ATRN: variants seen among roughly 807,000 people sequenced by gnomAD.
The protein encoded by ATRN is attractin-2.
ATRN carries 54 observed loss-of-function variants against 178.7 expected under a neutral mutation model. The ratio of observed to expected loss-of-function variants is 0.30; its 90% confidence interval spans 0.24 to 0.38. The LOEUF is 0.38. Ranked by LOEUF, ATRN falls within the 10% of genes least tolerant of loss-of-function variation. The probability of loss-of-function intolerance (pLI) is 1.00; values close to 1 mark genes in which losing one functional copy is unlikely to be tolerated. For synonymous variants in ATRN, 636 were observed against 663.0 expected (o/e 0.96, Z 0.63); for missense variants, 1,443 against 1,815.1 (o/e 0.79, Z 3.73).
At chr20:3,517,062 A>C (rs1182198409) in intron 1 of ATRN, among the ~76,000 whole-genome samples, 2 of 152,212 alleles carry the variant, frequency 1.3e-5, no homozygotes, top group African/African-American at 4.8e-5. Flanking sequence ...GAATCGCCAC[A>C]CTGTCTTCCA....
chr20:3,644,110 A>T, intron 27 of ATRN, 44 bp from the exon 28 acceptor site: 1 of 1,425,942 alleles, frequency 7.0e-7, no homozygotes, highest in Non-Finnish European at 9.9e-7. Flanking sequence ...CGTATACATT[A>T]AAGCTTGAGT....
Position 3,584,719 on chromosome 20 carries a change from C to T in ATRN, c.3023C>T (p.Pro1008Leu), listed in dbSNP as rs1600131031. ...CCAGGCTGTGGCTGGTGTACTGATC[C>T]CAGCAATACTGGCAAAGGGAAATGC... ...EQPGCGWCTDPSNTGKGKCIE... is the reference protein window; with the variant it reads ...EQPGCGWCTDLSNTGKGKCIE... Residue 1008 changes from proline to leucine, a missense_variant, in exon 18 of 29, where the codon CCC (proline) becomes CTC (leucine). Physicochemically the swap from Pro to Leu is moderately conservative, Grantham distance 98. Around this residue, in one of 4 missense-constraint regions of ATRN, gnomAD observed 212 missense variants for 330.7 expected, o/e 0.64. Transcript: ENST00000262919. 6.2e-7 allele frequency: 1 copy of T among 1,613,926 alleles called. No individual in the cohort carries two copies. The highest frequency in any genetic ancestry group is 1.1e-5 in the South Asian group (1 of 91,074).
chr20:3,637,430 G>A (rs567956288), intron 26 of ATRN, among the ~76,000 whole-genome samples: 14 of 152,196 alleles, frequency 9.2e-5, no homozygotes, highest in Middle Eastern at 3.4e-3. Context: ...TATATTAGTC[G>A]AGTAAATGGA....
intron 1 of ATRN, among the ~76,000 whole-genome samples, chr20:3,531,179 G>T (rs1348332571): frequency 5.3e-5 from 8 of 152,100 alleles, no homozygotes; most frequent in Non-Finnish European, 8.8e-5. Flanking sequence ...GTAACCACTT[G>T]TTGGCCATTT....
intron 11 of ATRN, among the ~76,000 whole-genome samples, chr20:3,570,007 G>A (rs1478619382): frequency 6.6e-6 from 1 of 151,500 alleles, no homozygotes; most frequent in Non-Finnish European, 1.5e-5. Context: ...GGAATTTGAG[G>A]TTGCACTGAG....
At chr20:3,598,098 G>A in intron 22 of ATRN, 98 bp downstream of exon 22, 1 of 756,478 alleles carries the variant, frequency 1.3e-6, no homozygotes, top group Non-Finnish European at 2.3e-6. Context: ...GTGCTCTCCA[G>A]ACTGGAGTAC....
At chr20:3,587,725 A>G (rs1298222347) in intron 18 of ATRN, among the ~76,000 whole-genome samples, 1 of 152,160 alleles carries the variant, frequency 6.6e-6, no homozygotes, top group African/African-American at 2.4e-5. Flanking sequence ...TTGCATGTTC[A>G]TATTAATTTT....
In ATRN at chr20:3,560,401, A is replaced by G. The variant is rs371157740; in HGVS notation, c.1204-261A>G. ...TTTCTTTATCTAATTATCCATTGAT[A>G]GACACGTTGATTCCATGTTTTGGCT... On this transcript the variant is annotated intron_variant, in intron 7 of 28. Transcript: ENST00000262919. 3.9e-5 allele frequency among the ~76,000 whole-genome samples: 6 copies of G among 152,328 alleles called. No homozygotes were observed. The South Asian group carries it at 8.3e-4, about 21-fold the overall frequency.
chr20:3,484,357 G>A (rs535473922), intron 1 of ATRN, among the ~76,000 whole-genome samples: 2 of 150,994 alleles, frequency 1.3e-5, no homozygotes, highest in South Asian at 2.1e-4. Flanking sequence ...TTCCTTTCCT[G>A]TACTGACCTT....
At chr20:3,641,331 C>T (rs2087065848) in intron 27 of ATRN, among the ~76,000 whole-genome samples, 1 of 152,054 alleles carries the variant, frequency 6.6e-6, no homozygotes, top group South Asian at 2.1e-4. Context: ...TGGCTAACAC[C>T]TGTAATCCGA....
At chr20:3,514,882 G>A (rs796245687) in intron 1 of ATRN, among the ~76,000 whole-genome samples, 4 of 152,132 alleles carry the variant, frequency 2.6e-5, no homozygotes, top group Non-Finnish European at 4.4e-5. Context: ...GCTTGAGCCC[G>A]GTTGGTTGAG....
At chr20:3,529,728 T>C (rs745470295) in intron 1 of ATRN, among the ~76,000 whole-genome samples, 1 of 152,190 alleles carries the variant, frequency 6.6e-6, no homozygotes, top group Non-Finnish European at 1.5e-5. Flanking sequence ...GATTACACTT[T>C]GTGTATACAT....
At chr20:3,608,607 A>G (rs759917035) in intron 24 of ATRN, among the ~76,000 whole-genome samples, 4 of 152,166 alleles carry the variant, frequency 2.6e-5, no homozygotes, top group Non-Finnish European at 5.9e-5. Flanking sequence ...TGTGGGTACT[A>G]TAGCTTTGTA....
intron 6 of ATRN, among the ~76,000 whole-genome samples, chr20:3,552,256 T>TCA (rs1391575696): frequency 6.6e-6 from 1 of 152,218 alleles, no homozygotes; most frequent in Non-Finnish European, 1.5e-5. Flanking sequence ...TCATATAGTA[T>TCA]CTTGGCCTTT....
intron 27 of ATRN, among the ~76,000 whole-genome samples, chr20:3,640,012 A>G (rs73076605): frequency 6.6e-6 from 1 of 152,350 alleles, no homozygotes; most frequent in Non-Finnish European, 1.5e-5. Flanking sequence ...GCCGCCATAA[A>G]TAAGAGTAGC....
chr20:3,576,985 A>G lies in ATRN; in HGVS notation c.2341A>G (p.Ile781Val), dbSNP rs2086221343. Residue 781 changes from isoleucine to valine, a missense_variant, in exon 14 of 29, where the codon ATT becomes GTT. By Grantham distance (29) the Ile-to-Val change is conservative (BLOSUM62 3). Coordinates refer to ENST00000262919, the MANE Select transcript of ATRN (RefSeq NM_139321.3). ...GTGGGAGCCCCGGAATCAGGAGTGCATTGCCCTGCCCGGTAGGCCTTGCAG... is the reference window on the plus strand; with the variant it reads ...GTGGGAGCCCCGGAATCAGGAGTGCGTTGCCCTGCCCGGTAGGCCTTGCAG... ...CQWEPRNQEC[I>V]ALPENICGIG... 3.7e-6 allele frequency: 6 copies of G among 1,613,898 alleles called. No individual in the cohort carries two copies. Among genetic ancestry groups the G allele is most frequent in the Non-Finnish European group, 5.1e-6 (6 of 1,179,994 alleles).
chr20:3,494,764 G>A lies in ATRN; in HGVS notation c.410+23247G>A, dbSNP rs75832308. Among the ~76,000 whole-genome samples, 553 of 152,300 alleles carry A rather than the reference G, an allele frequency of 3.6e-3. 20 individuals carry two copies. The East Asian group carries it at 0.094, about 26-fold the overall frequency. Reference sequence around the variant, plus strand: ...GCTGGAAATACAGCTTGGGCAGTTAGCAACATAGAGATGGTAGATGAAGCC... The same window carrying A: ...GCTGGAAATACAGCTTGGGCAGTTAACAACATAGAGATGGTAGATGAAGCC... On this transcript the variant is annotated intron_variant, in intron 1 of 28. Transcript: ENST00000262919.
intron 27 of ATRN, among the ~76,000 whole-genome samples, chr20:3,641,809 C>T (rs904254378): frequency 7.9e-5 from 12 of 151,940 alleles, no homozygotes; most frequent in Non-Finnish European, 1.0e-4. Context: ...AATTTGCCAC[C>T]AGCAGACCTG....
intron 12 of ATRN, among the ~76,000 whole-genome samples, chr20:3,574,283 A>G (rs1001113199): frequency 6.6e-6 from 1 of 152,142 alleles, no homozygotes; most frequent in Non-Finnish European, 1.5e-5. Context: ...AGGCTGAGGT[A>G]TGGGGATCAC....
Sources: allele counts gnomAD v4.1 joint callset (sites outside exome capture counted in the v4.1 genomes callset), GRCh38; gene constraint gnomAD v4.1.1; regional missense constraint gnomAD v4.1.1; transcripts MANE v1.5; gene names NCBI Gene and HGNC (gene_info 2026-07-23, HGNC 2026-07-21).